EPM2A: variants seen among roughly 807,000 people sequenced by gnomAD.
The protein encoded by EPM2A is EPM2A glucan phosphatase, laforin, also known as laforin.
A neutral mutation model predicts 26.5 loss-of-function variants in EPM2A; 21 were observed. The observed-to-expected ratio is 0.79, with a 90% CI of 0.56 to 1.14. The LOEUF is 1.14. EPM2A is among the 50% of genes most tolerant of loss of function. EPM2A has a pLI of 0.00. For synonymous variants in EPM2A, 217 were observed against 177.6 expected (o/e 1.22, Z -1.76); for missense variants, 458 against 440.8 (o/e 1.04, Z -0.35).
At chr6:145,714,744 G>A (rs1486375426) in intron 1 of EPM2A, among the ~76,000 whole-genome samples, 11 of 152,130 alleles carry the variant, frequency 7.2e-5, no homozygotes. Context: ...TCTTGTGCAG[G>A]GAAACTCCAC....
At chr6:145,734,279 G>A (rs1248416431) in intron 1 of EPM2A, among the ~76,000 whole-genome samples, 2 of 152,014 alleles carry the variant, frequency 1.3e-5, no homozygotes, top group African/African-American at 2.4e-5. Context: ...TCTACGTGTA[G>A]TGACAGTGAA....
chr6:145,689,086 A>C (rs192206238), intron 1 of EPM2A, among the ~76,000 whole-genome samples: 83 of 152,352 alleles, frequency 5.4e-4, no homozygotes, highest in Non-Finnish European at 1.0e-3. Flanking sequence ...GTCAAGAAGA[A>C]TTATTTATGT....
At chr6:145,528,721 G>A (rs971530493) in intron 2 of EPM2A, among the ~76,000 whole-genome samples, 1 of 152,098 alleles carries the variant, frequency 6.6e-6, no homozygotes, top group Non-Finnish European at 1.5e-5. Context: ...CTATTCTGGA[G>A]CCCATGGATC....
intron 2 of EPM2A, chr6:145,684,990 T>C (rs12207769): frequency 1.3e-5 from 2 of 152,134 alleles, no homozygotes; most frequent in Non-Finnish European, 2.9e-5. Flanking sequence ...CTCTCACAAC[T>C]CGGTTTATAT....
intron 2 of EPM2A, among the ~76,000 whole-genome samples, chr6:145,535,655 TCA>T (rs1463797378): frequency 6.6e-6 from 1 of 152,218 alleles, no homozygotes; most frequent in Non-Finnish European, 1.5e-5. Context: ...GAAAAATAGC[TCA>T]ATTAGCACTA....
intron 4 of EPM2A, among the ~76,000 whole-genome samples, chr6:145,471,822 C>G (rs1054995192): frequency 6.6e-6 from 1 of 151,968 alleles, no homozygotes; most frequent in Non-Finnish European, 1.5e-5. Flanking sequence ...TCAGTCTAAG[C>G]CAAAAGGACT....
At chr6:145,498,323 T>C (rs889637821), downstream of EPM2A, among the ~76,000 whole-genome samples, 2 of 152,212 alleles carry the variant, frequency 1.3e-5, no homozygotes, top group Admixed American at 1.3e-4. Flanking sequence ...CCAATGCTGC[T>C]TGGACCCCTG....
intron 2 of EPM2A, among the ~76,000 whole-genome samples, chr6:145,566,471 C>T (rs2114820146): frequency 6.6e-6 from 1 of 152,286 alleles, no homozygotes; most frequent in East Asian, 1.9e-4. Flanking sequence ...TGAGTCTGTT[C>T]TCTCACCTGT....
chr6:145,659,257 A>G (rs1778514400), intron 2 of EPM2A, among the ~76,000 whole-genome samples: 1 of 152,320 alleles, frequency 6.6e-6, no homozygotes, highest in African/African-American at 2.4e-5. Flanking sequence ...AAACTACTGC[A>G]TGAATCATAC....
chr6:145,659,999 G>A (rs1778570489), intron 2 of EPM2A, among the ~76,000 whole-genome samples: 1 of 152,132 alleles, frequency 6.6e-6, no homozygotes, highest in Non-Finnish European at 1.5e-5. Context: ...GCTAGGGCAG[G>A]TGGGAGGTGG....
At chr6:145,458,331 T>C (rs1779287328) in intron 4 of EPM2A, among the ~76,000 whole-genome samples, 1 of 152,128 alleles carries the variant, frequency 6.6e-6, no homozygotes, top group Non-Finnish European at 1.5e-5. Flanking sequence ...CTATTTTGTC[T>C]CTCAGTATTT....
intron 1 of EPM2A, among the ~76,000 whole-genome samples, chr6:145,720,369 C>T (rs889030859): frequency 1.3e-5 from 2 of 152,130 alleles, no homozygotes; most frequent in African/African-American, 4.8e-5. Context: ...CTTCCATTTA[C>T]AAGCAATACT....
At chr6:145,389,463 A>T (rs1778309158) in intron 4 of EPM2A, among the ~76,000 whole-genome samples, 1 of 152,162 alleles carries the variant, frequency 6.6e-6, no homozygotes, top group African/African-American at 2.4e-5. Context: ...AAGTGCTGGA[A>T]TTACAAATGT....
rs571756359 is a variant in EPM2A at position 145,726,999 on chromosome 6, T to C, written c.301+8199A>G. Among the ~76,000 whole-genome samples, 3 of 152,284 alleles carry C rather than the reference T, an allele frequency of 2.0e-5. No individual in the cohort carries two copies. In the East Asian group the frequency reaches 5.8e-4, roughly 29 times the overall value. Reference sequence around the variant, plus strand: ...ATATAAGAACACTCTGTACCGTCTTTGCAACTTTTCTGTAAATCTAAAATT... The same window carrying C: ...ATATAAGAACACTCTGTACCGTCTTCGCAACTTTTCTGTAAATCTAAAATT... On this transcript the variant is annotated intron_variant, in intron 1 of 3. Transcript: ENST00000367519.
chr6:145,444,718 ATGCATTAGCACGCTATCTTATTTCTT>A (rs1275524802), intron 4 of EPM2A, among the ~76,000 whole-genome samples: 1 of 152,040 alleles, frequency 6.6e-6, no homozygotes, highest in Non-Finnish European at 1.5e-5. Flanking sequence ...TTTGTTTCTT[ATGCATTAGCACGCTATCTTATTTCTT>A]TGCATGTCTC....
intron 4 of EPM2A, among the ~76,000 whole-genome samples, chr6:145,435,132 T>G (rs575882415): frequency 1.3e-5 from 2 of 152,326 alleles, no homozygotes; most frequent in Non-Finnish European, 2.9e-5. Context: ...AAACTTCTTT[T>G]TATTTACTTA....
At chr6:145,595,914 T>C (rs1228153462) in intron 2 of EPM2A, among the ~76,000 whole-genome samples, 1 of 152,160 alleles carries the variant, frequency 6.6e-6, no homozygotes, top group Non-Finnish European at 1.5e-5. Flanking sequence ...CATTCTGATG[T>C]CAATGGAAAC....
chr6:145,392,373 T>C (rs1212049043), intron 4 of EPM2A, among the ~76,000 whole-genome samples: 3 of 152,172 alleles, frequency 2.0e-5, no homozygotes, highest in Non-Finnish European at 2.9e-5. Context: ...GAGAGCTACC[T>C]TGAGTTAGAT....
chr6:145,480,103 G>C (rs139561704), intron 4 of EPM2A, among the ~76,000 whole-genome samples: 1 of 151,732 alleles, frequency 6.6e-6, no homozygotes, highest in African/African-American at 2.4e-5. Flanking sequence ...TTTTAATTGG[G>C]TTGTCTGTCT....
Sources: allele counts gnomAD v4.1 joint callset (sites outside exome capture counted in the v4.1 genomes callset), GRCh38; gene constraint gnomAD v4.1.1; transcripts MANE v1.5; gene names NCBI Gene and HGNC (gene_info 2026-07-23, HGNC 2026-07-21).